SWT1: variants seen among roughly 807,000 people sequenced by gnomAD.
SWT1 encodes the protein SWT1 RNA endoribonuclease homolog.
Under a neutral mutation model 107.3 loss-of-function variants are expected in SWT1, and 33 were observed. The observed-to-expected ratio is 0.31, with a 90% CI of 0.23 to 0.41. The LOEUF (loss-of-function observed/expected upper bound fraction) is 0.41, where lower values mean the gene tolerates loss of function less well. Among genes scored for constraint, SWT1 ranks in the 10% least tolerant of loss-of-function variants. The pLI is 1.00. For synonymous variants in SWT1, 345 were observed against 348.3 expected, an observed-to-expected ratio of 0.99 and a Z score of 0.11; for missense variants, 898 against 1,028.9, an observed-to-expected ratio of 0.87 and a Z score of 1.74.
intron 13 of SWT1, among the ~76,000 whole-genome samples, chr1:185,210,147 A>G (rs1201930969): frequency 6.6e-6 from 1 of 152,162 alleles, no homozygotes. Flanking sequence ...ATAGATTGCA[A>G]AAATTTTCTC....
At chr1:185,222,626 G>A (rs369412242) in intron 15 of SWT1, among the ~76,000 whole-genome samples, 10 of 151,782 alleles carry the variant, frequency 6.6e-5, no homozygotes, top group East Asian at 1.9e-4. Context: ...TAAGCCGGGC[G>A]TGATGGCGTG....
At chr1:185,264,323 A>G in intron 16 of SWT1, 1 of 984,478 alleles carries the variant, frequency 1.0e-6, no homozygotes, top group Non-Finnish European at 1.2e-6. Context: ...AGGACTAAGG[A>G]GAGAAGACCA....
At chr1:185,232,565 T>C (rs889330219) in intron 16 of SWT1, among the ~76,000 whole-genome samples, 1 of 152,170 alleles carries the variant, frequency 6.6e-6, no homozygotes, top group Non-Finnish European at 1.5e-5. Flanking sequence ...AGTATTTTAA[T>C]AGAGATATAT....
rs41264596 is a variant in SWT1 at position 185,290,819 on chromosome 1, T to C, written c.*16T>C. Reference sequence around the variant, plus strand: ...TAGGATATAAGTACTGATTTGTAACTTTAAAGGAATTGCATTTGTCCTTAA... The same window carrying C: ...TAGGATATAAGTACTGATTTGTAACCTTAAAGGAATTGCATTTGTCCTTAA... On this transcript the variant is annotated 3_prime_UTR_variant, in exon 19 of 19. Transcript: ENST00000367500. 2 of 1,592,660 alleles carry C rather than the reference T, an allele frequency of 1.3e-6. No homozygotes were observed. The highest frequency in any genetic ancestry group is 1.7e-6 in the Non-Finnish European group (2 of 1,169,152).
At chr1:185,246,928 C>G (rs1416196543) in intron 16 of SWT1, among the ~76,000 whole-genome samples, 1 of 152,110 alleles carries the variant, frequency 6.6e-6, no homozygotes, top group East Asian at 1.9e-4. Context: ...CATGCCTGAC[C>G]AGGGGCTAAT....
intron 16 of SWT1, among the ~76,000 whole-genome samples, chr1:185,235,309 C>A (rs1325931756): frequency 6.6e-6 from 1 of 152,100 alleles, no homozygotes; most frequent in Non-Finnish European, 1.5e-5. Flanking sequence ...ATGCGAAAAT[C>A]CTAATAAAAT....
intron 18 of SWT1, among the ~76,000 whole-genome samples, chr1:185,277,179 C>T (rs1026836658): frequency 6.6e-6 from 1 of 152,118 alleles, no homozygotes; most frequent in African/African-American, 2.4e-5. Context: ...ATAAGCATGG[C>T]CGGATTGCGG....
intron 10 of SWT1, 33 bp downstream of exon 10, chr1:185,190,675 TA>T (rs34905124): frequency 7.8e-7 from 1 of 1,289,706 alleles, no homozygotes; most frequent in Non-Finnish European, 1.1e-6. Flanking sequence ...TTTTTATTTT[TA>T]AAAAATAAAC....
chr1:185,167,083 T>G (rs1021789305), intron 3 of SWT1, among the ~76,000 whole-genome samples: 1 of 152,118 alleles, frequency 6.6e-6, no homozygotes, highest in Non-Finnish European at 1.5e-5. Flanking sequence ...AATTTTTGTA[T>G]TTTTAGTAGA....
chr1:185,252,815 T>C (rs1321469964), intron 16 of SWT1, among the ~76,000 whole-genome samples: 4 of 151,750 alleles, frequency 2.6e-5, no homozygotes, highest in East Asian at 1.9e-4. Flanking sequence ...TTTTGGCTTT[T>C]GTTGCCATTG....
At position 185,157,264 on chromosome 1, in the gene SWT1, T is replaced by C. The variant is rs932379164; in HGVS notation, c.-60T>C. 13 of 152,930 alleles carry C rather than the reference T, an allele frequency of 8.5e-5. No homozygotes were observed. The highest frequency in any genetic ancestry group is 2.9e-4 in the African/African-American group (12 of 41,414). The allele number at this position is 152,930 out of a possible 1,614,324, so 9.5% of individuals were successfully genotyped here. On this transcript the variant is annotated 5_prime_UTR_variant, in exon 1 of 19. Coordinates refer to ENST00000367500, the MANE Select transcript of SWT1 (RefSeq NM_017673.7). Reference sequence around the variant, plus strand: ...GTGTGTGTTGGGAGGCGGGGGTCCCTCTCCTTTGGCTTGGGGCTCCGGAGT... The same window carrying C: ...GTGTGTGTTGGGAGGCGGGGGTCCCCCTCCTTTGGCTTGGGGCTCCGGAGT...
chr1:185,180,588 T>G (rs1432202914), intron 6 of SWT1, 138 bp downstream of exon 6: 1 of 673,794 alleles, frequency 1.5e-6, no homozygotes, highest in Admixed American at 2.8e-5. Context: ...ATATGTAAGG[T>G]TTTATGAAGT....
intron 16 of SWT1, among the ~76,000 whole-genome samples, chr1:185,249,171 T>C (rs961423878): frequency 6.6e-5 from 10 of 152,178 alleles, no homozygotes; most frequent in Non-Finnish European, 1.5e-4. Flanking sequence ...ATGTGGCATC[T>C]TCATGTAGCC....
chr1:185,240,725 T>A (rs1661201644), intron 16 of SWT1, among the ~76,000 whole-genome samples: 1 of 152,134 alleles, frequency 6.6e-6, no homozygotes. Context: ...TCTGTCACAT[T>A]CTTGTGGCTT....
chr1:185,288,171 A>G (rs1014541130), intron 18 of SWT1, among the ~76,000 whole-genome samples: 2 of 152,234 alleles, frequency 1.3e-5, no homozygotes, highest in Non-Finnish European at 2.9e-5. Flanking sequence ...TGGCAGCACC[A>G]TAGCCCTATT....
intron 14 of SWT1, among the ~76,000 whole-genome samples, chr1:185,220,382 T>C (rs967418366): frequency 1.3e-5 from 2 of 152,006 alleles, no homozygotes; most frequent in Non-Finnish European, 2.9e-5. Flanking sequence ...AAAATTACCC[T>C]TTTCTCTTTC....
rs117045431 is a variant in SWT1 at position 185,222,629 on chromosome 1, A to G, written c.2309+593A>G. Reference sequence around the variant, plus strand: ...AAAGTACAAAAATAAGCCGGGCGTGATGGCGTGTACCTGTCATCCCAGCTG... The same window carrying G: ...AAAGTACAAAAATAAGCCGGGCGTGGTGGCGTGTACCTGTCATCCCAGCTG... On this transcript the variant is annotated intron_variant, in intron 15 of 18. Transcript: ENST00000367500. 5.8e-3 allele frequency among the ~76,000 whole-genome samples: 881 copies of G among 151,796 alleles called. 34 individuals are homozygous for G. In the East Asian group the frequency reaches 0.095, roughly 16 times the overall value.
chr1:185,220,942 T>A (rs549078882), intron 14 of SWT1, among the ~76,000 whole-genome samples: 1 of 152,342 alleles, frequency 6.6e-6, no homozygotes, highest in South Asian at 2.1e-4. Context: ...TGAGACGTAT[T>A]GCTTCCGAGT....
At chr1:185,204,623 T>C (rs2102461342) in intron 11 of SWT1, 77 bp from the exon 12 acceptor site, 1 of 668,488 alleles carries the variant, frequency 1.5e-6, no homozygotes, top group South Asian at 2.8e-5. Context: ...GTTTACTGTT[T>C]ATGGCAATAT....
Sources: allele counts gnomAD v4.1 joint callset (sites outside exome capture counted in the v4.1 genomes callset), GRCh38; gene constraint gnomAD v4.1.1; transcripts MANE v1.5; gene names NCBI Gene and HGNC (gene_info 2026-07-23, HGNC 2026-07-21).